OR56A3: variants seen among roughly 807,000 people sequenced by gnomAD.
OR56A3 encodes olfactory receptor 56A3.
In OR56A3, 23 loss-of-function variants were observed where a neutral mutation model predicts 17.5. The ratio of observed to expected loss-of-function variants is 1.32; its 90% CI spans 0.95 to 1.87. The LOEUF (loss-of-function observed/expected upper bound fraction) is 1.87, where lower values mean the gene tolerates loss of function less well. OR56A3 is among the 40% of genes most tolerant of loss of function. OR56A3 has a pLI of 0.00. For synonymous variants in OR56A3, 175 were observed against 150.6 expected (o/e 1.16, Z -1.19); for missense variants, 366 against 380.1 (o/e 0.96, Z 0.31).
At chr11:5,975,410 A>G in the OR56A3 span, among the ~76,000 whole-genome samples, 1 of 126,192 alleles carries the variant, frequency 7.9e-6, no homozygotes, top group Non-Finnish European at 1.6e-5. Context: ...TCCTGTGTCC[A>G]TGTGTTCTCA....
the OR56A3 span, among the ~76,000 whole-genome samples, chr11:5,998,560 C>T: frequency 1.1e-4 from 16 of 152,256 alleles, no homozygotes; most frequent in South Asian, 1.5e-3. Context: ...GAGTAATAAC[C>T]GACCAGTTTT....
chr11:5,943,080 A>G (rs924698492), intron 1 of OR56A3, among the ~76,000 whole-genome samples: 1 of 152,268 alleles, frequency 6.6e-6, no homozygotes, highest in Non-Finnish European at 1.5e-5. Flanking sequence ...CCAAGATTGA[A>G]TAATGAAAGG....
the OR56A3 span, among the ~76,000 whole-genome samples, chr11:5,995,355 A>G: frequency 6.6e-6 from 1 of 152,224 alleles, no homozygotes; most frequent in South Asian, 2.1e-4. Context: ...AAGGGTTCAT[A>G]TGGCTCTTAA....
rs1467048699 is a variant in OR56A3, at chr11:5,947,569, A to G, written c.223A>G (p.Ile75Val). ...GCTCAGCCTCCTCTCCCTGCTGGAC[A>G]TCGTGCTCTGCCTCACTGTCATCCC... is the stretch of plus-strand genomic sequence containing the variant. ...YLLSLLSLLD[I>V]VLCLTVIPKV... The change falls in exon 3 of 3, where the codon ATC (isoleucine) becomes GTC (valine). Residue 75 changes from isoleucine (I) to valine (V), a missense_variant. Transcript: ENST00000641160. 8.1e-6 allele frequency: 13 copies of G among 1,614,112 alleles called. No homozygotes were observed. Among genetic ancestry groups the G allele is most frequent in the Non-Finnish European group, 1.1e-5 (13 of 1,180,038 alleles).
At chr11:5,977,954 G>C in the OR56A3 span, among the ~76,000 whole-genome samples, 1 of 152,110 alleles carries the variant, frequency 6.6e-6, no homozygotes, top group Non-Finnish European at 1.5e-5. Flanking sequence ...ACCATTTATC[G>C]AATAGGGAAA....
At chr11:6,002,581 T>C in the OR56A3 span, 12 of 1,614,244 alleles carry the variant, frequency 7.4e-6, no homozygotes, top group Middle Eastern at 1.6e-4. Context: ...TCAGTGATGA[T>C]AGACGGGTAT....
the OR56A3 span, chr11:5,986,302 G>A: frequency 6.2e-7 from 1 of 1,614,002 alleles, no homozygotes; most frequent in Non-Finnish European, 8.5e-7. Flanking sequence ...ATTGACTGTG[G>A]TTTCTGAGCA....
At chr11:5,964,646 C>A in the OR56A3 span, among the ~76,000 whole-genome samples, 2 of 152,196 alleles carry the variant, frequency 1.3e-5, no homozygotes, top group African/African-American at 4.8e-5. Context: ...TATTTGGAGT[C>A]CAAGGCTACT....
At chr11:5,953,093 C>G (rs527696095), downstream of OR56A3, among the ~76,000 whole-genome samples, 3 of 152,102 alleles carry the variant, frequency 2.0e-5, no homozygotes, top group Non-Finnish European at 2.9e-5. Flanking sequence ...TTTGCTATTG[C>G]GAATAGTGCT....
chr11:5,970,284 G>A, the OR56A3 span, among the ~76,000 whole-genome samples: 2 of 152,200 alleles, frequency 1.3e-5, no homozygotes, highest in African/African-American at 2.4e-5. Flanking sequence ...GAGGTAAAGA[G>A]ATTGCAAGGA....
the OR56A3 span, chr11:5,994,516 A>G: frequency 2.2e-6 from 2 of 891,352 alleles, no homozygotes; most frequent in Non-Finnish European, 3.7e-6. Flanking sequence ...CTTCCTTTTC[A>G]TGGTTCTTCA....
At chr11:5,986,074 A>C in the OR56A3 span, 4 of 1,613,892 alleles carry the variant, frequency 2.5e-6, no homozygotes, top group African/African-American at 2.7e-5. Context: ...ATGATGGGGT[A>C]CATGATGACC....
chr11:6,006,610 G>T, the OR56A3 span, among the ~76,000 whole-genome samples: 3 of 152,172 alleles, frequency 2.0e-5, no homozygotes, highest in African/African-American at 7.2e-5. Context: ...GGGAAGAAAG[G>T]AAGATTATGA....
chr11:5,947,962 G>GGAGGCTGGACTCTGCTA lies in OR56A3; in HGVS notation c.618_634dup (p.Gly212GlufsTer6), dbSNP rs1196340070. The GGAGGCTGGACTCTGCTA allele has an allele frequency of 6.2e-7, 1 of 1,614,160 alleles. No homozygotes were observed. The highest frequency in any genetic ancestry group is 1.7e-5 in the Admixed American group (1 of 60,022). On this transcript the variant is annotated frameshift_variant, in exon 3 of 3. Transcript: ENST00000641160. LOFTEE classifies it high-confidence loss of function. ...CATCAATCACCTTTACCAATTTGCT[G>GGAGGCTGGACTCTGCTA]GAGGCTGGACTCTGCTAGGATCTGA...
At chr11:5,960,595 A>G in the OR56A3 span, among the ~76,000 whole-genome samples, 2 of 152,064 alleles carry the variant, frequency 1.3e-5, no homozygotes, top group African/African-American at 4.8e-5. Flanking sequence ...CAGTGGCGTG[A>G]TCTCGGCTCG....
the OR56A3 span, among the ~76,000 whole-genome samples, chr11:5,972,006 G>A: frequency 6.6e-6 from 1 of 152,208 alleles, no homozygotes; most frequent in African/African-American, 2.4e-5. Flanking sequence ...GTTTCTGCTG[G>A]CTATAAATCA....
the OR56A3 span, among the ~76,000 whole-genome samples, chr11:6,005,654 C>G: frequency 3.9e-5 from 6 of 152,174 alleles, 1 homozygote; most frequent in Non-Finnish European, 8.8e-5. Flanking sequence ...GTTCTGGAAG[C>G]TAAGAAGTAT....
intron 1 of OR56A3, among the ~76,000 whole-genome samples, chr11:5,942,895 T>C: frequency 6.6e-6 from 1 of 152,256 alleles, no homozygotes; most frequent in East Asian, 1.9e-4. Flanking sequence ...AGGGTTTCTT[T>C]GGCACTATTC....
chr11:6,001,975 C>T, the OR56A3 span: 4 of 1,422,652 alleles, frequency 2.8e-6, no homozygotes, highest in Middle Eastern at 1.8e-4. Flanking sequence ...TCCTTTCCAA[C>T]ATAAAATTAA....
Sources: gnomAD v4.1 joint callset for allele counts (sites outside exome capture counted in the v4.1 genomes callset) on GRCh38, gnomAD v4.1.1 for gene constraint, MANE v1.5 for transcripts, NCBI Gene and HGNC (gene_info 2026-07-23, HGNC 2026-07-21) for gene names.